TMEM132D: variants seen among roughly 807,000 people sequenced by gnomAD.
TMEM132D encodes transmembrane protein 132D, also known as mature OL transmembrane protein.
TMEM132D carries 21 observed loss-of-function variants against 62.3 expected under a neutral mutation model. The ratio of observed to expected loss-of-function variants is 0.34; its 90% confidence interval spans 0.24 to 0.49. The LOEUF is 0.49. Ranked by LOEUF, TMEM132D falls within the 20% of genes least tolerant of loss-of-function variation. The pLI, the probability that TMEM132D is intolerant of heterozygous loss-of-function variation, is 0.99. For synonymous variants in TMEM132D, 621 were observed against 575.6 expected (o/e 1.08, Z -1.13); for missense variants, 1,346 against 1,402.8 (o/e 0.96, Z 0.65).
intron 1 of TMEM132D, among the ~76,000 whole-genome samples, chr12:129,868,528 G>A (rs929403148): frequency 2.6e-5 from 4 of 152,142 alleles, no homozygotes; most frequent in African/African-American, 4.8e-5. Flanking sequence ...GTGAGTCGAG[G>A]CTTCCTGTGT....
chr12:129,649,357 G>A (rs1050912065), intron 2 of TMEM132D, among the ~76,000 whole-genome samples: 1 of 152,002 alleles, frequency 6.6e-6, no homozygotes, highest in African/African-American at 2.4e-5. Flanking sequence ...AATATAAAAT[G>A]CCTCCACAAG....
intron 2 of TMEM132D, among the ~76,000 whole-genome samples, chr12:129,537,716 C>T (rs138228399): frequency 6.6e-6 from 1 of 152,256 alleles, no homozygotes; most frequent in Non-Finnish European, 1.5e-5. Context: ...TCGAGGAGAC[C>T]AAAGAGAAGA....
intron 1 of TMEM132D, among the ~76,000 whole-genome samples, chr12:129,733,021 A>T (rs1376558482): frequency 6.6e-6 from 1 of 152,146 alleles, no homozygotes; most frequent in Non-Finnish European, 1.5e-5. Flanking sequence ...GCTCTGTGTC[A>T]CCCACCCCTC....
At chr12:129,829,088 G>C (rs1474390539) in intron 1 of TMEM132D, among the ~76,000 whole-genome samples, 3 of 152,006 alleles carry the variant, frequency 2.0e-5, no homozygotes, top group African/African-American at 4.8e-5. Flanking sequence ...AGACAAACAA[G>C]CCCAAAGATG....
At chr12:129,407,561 A>C (rs1421504749) in intron 3 of TMEM132D, among the ~76,000 whole-genome samples, 4 of 152,164 alleles carry the variant, frequency 2.6e-5, no homozygotes, top group Admixed American at 1.3e-4. Flanking sequence ...CTGTTTCTGG[A>C]TTTTGAAAAT....
rs139535422 is a variant in TMEM132D at position 129,373,665 on chromosome 12, A to G, written c.1116-35848T>C. Among the ~76,000 whole-genome samples, 110 of 152,142 alleles carry G rather than the reference A, an allele frequency of 7.2e-4. 3 individuals carry two copies. In the East Asian group the frequency reaches 0.019, roughly 26 times the overall value. On this transcript the variant is annotated intron_variant, in intron 3 of 8. Coordinates refer to ENST00000422113, the MANE Select transcript of TMEM132D (RefSeq NM_133448.3). ...AAACAAAACAAAACAAAATAAAAAA[A>G]ACAACAAAAAAACATTTAAAAGCGG... is the stretch of plus-strand genomic sequence containing the variant.
intron 5 of TMEM132D, among the ~76,000 whole-genome samples, chr12:129,137,595 G>A (rs1565975736): frequency 6.6e-6 from 1 of 152,174 alleles, no homozygotes. Flanking sequence ...CTTACAGGTG[G>A]TAGTGGCTCT....
At position 129,672,705 on chromosome 12, in the gene TMEM132D, A is replaced by G. The variant is rs140223611; in HGVS notation, c.968+27105T>C. 1.0e-3 allele frequency among the ~76,000 whole-genome samples: 159 copies of G among 152,334 alleles called. 1 individual carries two copies. Among genetic ancestry groups the G allele is most frequent in the Non-Finnish European group, 2.0e-3 (138 of 68,038 alleles). On this transcript the variant is annotated intron_variant, in intron 2 of 8. Transcript: ENST00000422113. ...GCTCATACAATCTACATATGTGCAT[A>G]TATGTATATATAAATATTTTGGTAT...
At chr12:129,513,279 C>G (rs1412429080) in intron 3 of TMEM132D, among the ~76,000 whole-genome samples, 1 of 152,060 alleles carries the variant, frequency 6.6e-6, no homozygotes, top group Non-Finnish European at 1.5e-5. Flanking sequence ...CCTAACCACT[C>G]CCTCAAGAAC....
At chr12:129,125,002 A>G (rs1876172549) in intron 5 of TMEM132D, among the ~76,000 whole-genome samples, 1 of 152,206 alleles carries the variant, frequency 6.6e-6, no homozygotes, top group South Asian at 2.1e-4. Context: ...CCTAAGAGGA[A>G]GACCTGAAGA....
intron 5 of TMEM132D, among the ~76,000 whole-genome samples, chr12:129,142,259 G>T (rs901277738): frequency 6.6e-6 from 1 of 152,182 alleles, no homozygotes; most frequent in Non-Finnish European, 1.5e-5. Context: ...GTACGTTGAT[G>T]ACCATCATCT....
chr12:129,724,260 C>T (rs755643785), intron 1 of TMEM132D, among the ~76,000 whole-genome samples: 6 of 152,096 alleles, frequency 3.9e-5, no homozygotes, highest in South Asian at 2.1e-4. Context: ...TCCTTGATGA[C>T]GAAGGTTGGA....
rs1177455755 is a variant in TMEM132D, at chr12:129,084,543, G to A, written c.1603C>T (p.Leu535Phe). ...PLQIEVSDTELNQIKGWRVPI... is the reference protein window; with the variant it reads ...PLQIEVSDTEFNQIKGWRVPI... ...ACTCTCCAACCCTTGATCTGATTGA[G>A]CTCGGTGTCGGAGACCTCGATCTGC... The change falls in exon 6 of 9, where the codon CTC becomes TTC. Residue 535 changes from leucine to phenylalanine, a missense_variant. Physicochemically the swap from Leu to Phe is conservative, Grantham distance 22. Transcript: ENST00000422113. 6.2e-7 allele frequency: 1 copy of A among 1,612,692 alleles called. No homozygotes were observed. Among genetic ancestry groups the A allele is most frequent in the Non-Finnish European group, 8.5e-7 (1 of 1,179,278 alleles).
intron 4 of TMEM132D, 68 bp from the exon 5 acceptor site, chr12:129,209,731 G>T: frequency 6.3e-7 from 1 of 1,584,784 alleles, no homozygotes; most frequent in Non-Finnish European, 8.6e-7. Flanking sequence ...GGAGTATGCC[G>T]CCTGCCTTTC....
intron 2 of TMEM132D, among the ~76,000 whole-genome samples, chr12:129,602,772 C>T (rs763726300): frequency 6.6e-6 from 1 of 152,106 alleles, no homozygotes; most frequent in Non-Finnish European, 1.5e-5. Context: ...AGTCCATTCT[C>T]GCCTGCAAAT....
intron 4 of TMEM132D, among the ~76,000 whole-genome samples, chr12:129,311,588 A>C: frequency 6.6e-6 from 1 of 152,230 alleles, no homozygotes; most frequent in East Asian, 1.9e-4. Flanking sequence ...AAACATAAAA[A>C]TAAAGAGGGT....
chr12:129,516,156 T>C (rs185225181), intron 3 of TMEM132D, among the ~76,000 whole-genome samples: 1 of 152,260 alleles, frequency 6.6e-6, no homozygotes, highest in Admixed American at 6.5e-5. Flanking sequence ...CACAGCTGAT[T>C]GGTAGCAGGG....
At chr12:129,269,206 T>A (rs563721081) in intron 4 of TMEM132D, among the ~76,000 whole-genome samples, 5 of 152,320 alleles carry the variant, frequency 3.3e-5, no homozygotes, top group African/African-American at 1.2e-4. Context: ...TGCATTCTGA[T>A]CTCTGTGTCA....
At position 129,542,969 on chromosome 12, in the gene TMEM132D, G is replaced by A. The variant is rs1027977783; in HGVS notation, c.969-11764C>T. Among the ~76,000 whole-genome samples, 6 of 151,918 alleles carry A rather than the reference G, an allele frequency of 3.9e-5. No individual in the cohort carries two copies. The East Asian group carries it at 1.2e-3, about 29-fold the overall frequency. On this transcript the variant is annotated intron_variant, in intron 2 of 8. Transcript: ENST00000422113. Reference sequence around the variant, plus strand: ...CTATACCATACAGTCTAGGTGTGGAGTAGGCTATACCACCTATGTTTGTGT... The same window carrying A: ...CTATACCATACAGTCTAGGTGTGGAATAGGCTATACCACCTATGTTTGTGT...
Sources: gnomAD v4.1 joint callset for allele counts (sites outside exome capture counted in the v4.1 genomes callset) on GRCh38, gnomAD v4.1.1 for gene constraint, MANE v1.5 for transcripts, NCBI Gene and HGNC (gene_info 2026-07-23, HGNC 2026-07-21) for gene names.